The following ARID1B variants were observed in gnomAD, a reference collection of about 807,000 sequenced individuals.
ARID1B encodes the protein AT-rich interaction domain 1B, also known as AT-rich interactive domain-containing protein 1B.
Under a neutral mutation model 212.3 loss-of-function variants are expected in ARID1B, and 30 were observed. The ratio of observed to expected loss-of-function variants is 0.14; its 90% confidence interval spans 0.11 to 0.19. The LOEUF is 0.19. Ranked by LOEUF, ARID1B falls within the 10% of genes least tolerant of loss-of-function variation. The probability of loss-of-function intolerance (pLI) is 1.00; values close to 1 mark genes in which losing one functional copy is unlikely to be tolerated. For synonymous variants in ARID1B, 1,402 were observed against 1,301.7 expected, an observed-to-expected ratio of 1.08 and a Z score of -1.66; for missense variants, 2,891 against 3,204.0, an observed-to-expected ratio of 0.90 and a Z score of 2.36.
rs546681197 is a variant in ARID1B, at chr6:157,131,564, G to A, written c.2582-1464G>A. Among the ~76,000 whole-genome samples the A allele has an allele frequency of 2.0e-4, 30 of 152,292 alleles. 1 individual carries two copies. The South Asian group carries it at 6.2e-3, about 32-fold the overall frequency. On this transcript the variant is annotated intron_variant, in intron 6 of 19. Coordinates refer to ENST00000636930, the MANE Select transcript of ARID1B (RefSeq NM_001374828.1). ...ACTCTGGGACCTGCAGTGCAGTGGA[G>A]GGGGAGAAAGCTCTAGGAAATGGGG...
chr6:157,151,883 T>A (rs1790224972), intron 8 of ARID1B: 1 of 152,244 alleles, frequency 6.6e-6, no homozygotes. Context: ...ATATTCAGTT[T>A]ACATTTATTT....
At position 157,155,321 on chromosome 6, in the gene ARID1B, G is replaced by T. The variant is rs566489808; in HGVS notation, c.3089+6370G>T. ...GTACGAATTGTGAATTGTGAATTGTGGGGGAGCAGAGTGGGAAGGTAGTGA... is the reference window on the plus strand; with the variant it reads ...GTACGAATTGTGAATTGTGAATTGTTGGGGAGCAGAGTGGGAAGGTAGTGA... On this transcript the variant is annotated intron_variant, in intron 8 of 19. Transcript: ENST00000636930. 2.6e-5 allele frequency among the ~76,000 whole-genome samples: 4 copies of T among 152,134 alleles called. 1 individual carries two copies. Among genetic ancestry groups the T allele is most frequent in the Admixed American group, 2.6e-4 (4 of 15,282 alleles).
At position 156,976,213 on chromosome 6, in the gene ARID1B, C is replaced by G. The variant is rs1311873798; in HGVS notation, c.2247+40637C>G. On this transcript the variant is annotated intron_variant, in intron 4 of 19. Transcript: ENST00000636930. ...TGAATCTTCAGTTGCTTCAGGCCAT[C>G]TGGATGTATATGTGCAGGTCACAGG... 3 of 152,948 alleles carry G rather than the reference C, an allele frequency of 2.0e-5. No homozygotes were observed. In the Admixed American group the frequency reaches 2.0e-4, roughly 10 times the overall value. The allele number at this position is 152,948 out of a possible 1,614,324, so 9.5% of individuals were successfully genotyped here.
At chr6:157,189,173 A>T (rs1273154720) in intron 13 of ARID1B, among the ~76,000 whole-genome samples, 1 of 152,204 alleles carries the variant, frequency 6.6e-6, no homozygotes, top group Admixed American at 6.5e-5. Flanking sequence ...TAAGACCCAG[A>T]ACTAAGTTTT....
intron 4 of ARID1B, among the ~76,000 whole-genome samples, chr6:156,998,213 T>TC (rs370745003): frequency 0.053 from 4,901 of 91,938 alleles, 274 homozygotes; most frequent in African/African-American, 0.17. Flanking sequence ...TCTCTCTCTC[T>TC]TTTTTTTTTT....
intron 4 of ARID1B, among the ~76,000 whole-genome samples, chr6:156,970,646 G>A (rs990081852): frequency 8.5e-5 from 13 of 152,134 alleles, no homozygotes; most frequent in African/African-American, 4.8e-5. Context: ...ATTCTTTTAG[G>A]TTATAGAGCA....
At chr6:156,993,316 C>T (rs1778377365) in intron 4 of ARID1B, among the ~76,000 whole-genome samples, 1 of 152,110 alleles carries the variant, frequency 6.6e-6, no homozygotes, top group South Asian at 2.1e-4. Flanking sequence ...TGCTGGGTGG[C>T]GTGAGCCACT....
At chr6:156,812,629 A>C (rs961485060) in intron 1 of ARID1B, among the ~76,000 whole-genome samples, 4 of 152,158 alleles carry the variant, frequency 2.6e-5, no homozygotes, top group Admixed American at 6.5e-5. Context: ...CAAATAAATG[A>C]ATGGGCATGG....
chr6:156,888,827 GT>G (rs1787714936), intron 2 of ARID1B, among the ~76,000 whole-genome samples: 1 of 152,176 alleles, frequency 6.6e-6, no homozygotes, highest in Non-Finnish European at 1.5e-5. Flanking sequence ...CAGGAATAGA[GT>G]TTTACGAAGT....
chr6:157,098,162 C>A (rs960824806), intron 5 of ARID1B, among the ~76,000 whole-genome samples: 1 of 151,868 alleles, frequency 6.6e-6, no homozygotes, highest in Non-Finnish European at 1.5e-5. Context: ...ATTAATTTGC[C>A]CTGGTGAGAG....
At chr6:156,954,947 C>T (rs1021535706) in intron 4 of ARID1B, among the ~76,000 whole-genome samples, 6 of 152,228 alleles carry the variant, frequency 3.9e-5, no homozygotes, top group African/African-American at 7.2e-5. Context: ...GCATGGCTGG[C>T]GGAGGCCACC....
intron 1 of ARID1B, among the ~76,000 whole-genome samples, chr6:156,828,482 C>T (rs1474319123): frequency 6.6e-6 from 1 of 152,216 alleles, no homozygotes; most frequent in African/African-American, 2.4e-5. Flanking sequence ...GTTCCTTTGA[C>T]GTCCCAGGAC....
chr6:157,098,185 T>TC (rs1206503513), intron 5 of ARID1B, among the ~76,000 whole-genome samples: 1 of 151,238 alleles, frequency 6.6e-6, no homozygotes, highest in Non-Finnish European at 1.5e-5. Context: ...ATATAAACCA[T>TC]CCCTCTATTT....
rs1455311471 is a variant in ARID1B at position 157,189,631 on chromosome 6, G to A, written c.3920-11G>A. 2 of 1,596,696 alleles carry A rather than the reference G, an allele frequency of 1.3e-6. No homozygotes were observed. Among genetic ancestry groups the A allele is most frequent in the East Asian group, 2.3e-5 (1 of 44,444 alleles). The stretch of plus-strand genomic sequence containing the variant: ...ATTTCTTCCTGTTTCTCTTGGTGCT[G>A]CTACTATCAGCTAACTCGGGATCCT... On this transcript the variant is annotated splice_polypyrimidine_tract_variant and intron_variant, in intron 13 of 19. Transcript: ENST00000636930.
chr6:157,020,891 T>C (rs1237071144), intron 4 of ARID1B, among the ~76,000 whole-genome samples: 1 of 152,246 alleles, frequency 6.6e-6, no homozygotes, highest in African/African-American at 2.4e-5. Flanking sequence ...CTGGAACTTA[T>C]GGCTAGAAAC....
At chr6:157,180,825 C>T (rs749680748) in intron 11 of ARID1B, 144 bp from the exon 12 acceptor site, 22 of 657,912 alleles carry the variant, frequency 3.3e-5, no homozygotes, top group Admixed American at 1.7e-4. Flanking sequence ...AACTAGTAGC[C>T]TTCATTCCTA....
intron 1 of ARID1B, among the ~76,000 whole-genome samples, chr6:156,812,433 T>C (rs1245939235): frequency 6.7e-6 from 1 of 149,428 alleles, no homozygotes; most frequent in Admixed American, 6.6e-5. Flanking sequence ...CCTGAACTCA[T>C]AGGACAGTGG....
intron 1 of ARID1B, chr6:156,779,690 G>T (rs1031951814): frequency 8.9e-5 from 20 of 224,470 alleles, no homozygotes; most frequent in Non-Finnish European, 1.5e-4. Context: ...GCCGGGCCGG[G>T]CCGGGCCGGG....
At chr6:157,010,640 T>C (rs111576002) in intron 4 of ARID1B, among the ~76,000 whole-genome samples, 1,193 of 77,678 alleles carry the variant, frequency 0.015, 15 homozygotes, top group African/African-American at 0.043. Context: ...TTTTGCTTTG[T>C]TTTGTTTTGT....
Sources: gnomAD v4.1 joint callset for allele counts (sites outside exome capture counted in the v4.1 genomes callset) on GRCh38, gnomAD v4.1.1 for gene constraint, MANE v1.5 for transcripts, NCBI Gene and HGNC (gene_info 2026-07-23, HGNC 2026-07-21) for gene names.